MRE11: variants seen among roughly 807,000 people sequenced by gnomAD.
The protein encoded by MRE11 is double-strand break repair protein MRE11.
MRE11 carries 62 observed loss-of-function variants against 91.7 expected under a neutral mutation model. The observed-to-expected ratio is 0.68, with a 90% CI of 0.55 to 0.84. MRE11 has a LOEUF of 0.84. Ranked by LOEUF, MRE11 falls within the 40% of genes least tolerant of loss-of-function variation. The probability of loss-of-function intolerance (pLI) is 0.00; values close to 1 mark genes in which losing one functional copy is unlikely to be tolerated. For missense variants in MRE11, 796 were observed against 852.9 expected, an observed-to-expected ratio of 0.93 and a Z score of 0.83; for synonymous variants, 273 against 271.4, an observed-to-expected ratio of 1.01 and a Z score of -0.06.
chr11:94,497,622 T>C (rs1169303593), upstream of MRE11: 1 of 157,142 alleles, frequency 6.4e-6, no homozygotes, highest in Non-Finnish European at 1.4e-5. Flanking sequence ...TAGAATTCCT[T>C]ATTAATACTT....
At chr11:94,505,649 T>A in the MRE11 span, among the ~76,000 whole-genome samples, 2 of 152,120 alleles carry the variant, frequency 1.3e-5, no homozygotes, top group African/African-American at 4.8e-5. Flanking sequence ...AAGAAAAATA[T>A]GTTTGCATAA....
intron 4 of MRE11, among the ~76,000 whole-genome samples, chr11:94,482,616 TGAAA>T (rs1173516904): frequency 6.6e-6 from 1 of 152,002 alleles, no homozygotes; most frequent in African/African-American, 2.4e-5. Context: ...AAAAATAAGA[TGAAA>T]GAAAGAAAAT....
chr11:94,479,251 A>G (rs768123325), intron 5 of MRE11, among the ~76,000 whole-genome samples: 6 of 152,196 alleles, frequency 3.9e-5, no homozygotes, highest in Admixed American at 1.3e-4. Flanking sequence ...AGATAAAATG[A>G]AAAAATACTT....
At position 94,476,700 on chromosome 11, in the gene MRE11, C is replaced by A. The variant is rs118024137; in HGVS notation, c.545-297G>T. Among the ~76,000 whole-genome samples, 403 of 151,988 alleles carry A rather than the reference C, an allele frequency of 2.7e-3. 1 individual carries two copies. The highest frequency in any genetic ancestry group is 4.5e-3 in the Non-Finnish European group (308 of 67,940). On this transcript the variant is annotated intron_variant, in intron 6 of 19. Coordinates refer to ENST00000323929, the MANE Select transcript of MRE11 (RefSeq NM_005591.4). The stretch of plus-strand genomic sequence containing the variant: ...GGATTACAAGCATAAGCCACCATGC[C>A]TAGCTGTTTCAGGGTTTTTTTTCTT...
chr11:94,475,565 C>A (rs1245656066), intron 7 of MRE11: 1 of 455,316 alleles, frequency 2.2e-6, no homozygotes, highest in South Asian at 1.6e-5. Flanking sequence ...CTGCAGTGAT[C>A]AGATAATAAA....
At chr11:94,428,863 C>CA (rs1209474605) in intron 19 of MRE11, among the ~76,000 whole-genome samples, 208 of 137,232 alleles carry the variant, frequency 1.5e-3, no homozygotes, top group African/African-American at 4.6e-3. Context: ...AACTCCATGT[C>CA]AAAAAAAAAA....
At chr11:94,492,571 A>C (rs1947312154) in intron 2 of MRE11, 1 of 826,666 alleles carries the variant, frequency 1.2e-6, no homozygotes, top group African/African-American at 1.7e-5. Context: ...AATTACTGCA[A>C]GACTCCAATC....
At position 94,471,751 on chromosome 11, in the gene MRE11, T is replaced by C. The variant is rs1170382104; in HGVS notation, c.668A>G (p.His223Arg). 1 of 1,610,418 alleles carries C rather than the reference T, an allele frequency of 6.2e-7. No homozygotes were observed. The highest frequency in any genetic ancestry group is 2.2e-5 in the East Asian group (1 of 44,764). Residue 223 changes from histidine (H) to arginine (R), a missense_variant, in exon 8 of 20, where the codon CAT (histidine) becomes CGT (arginine). Physicochemically the swap from His to Arg is conservative, Grantham distance 29 (BLOSUM62 0). Coordinates refer to ENST00000323929, the MANE Select transcript of MRE11 (RefSeq NM_005591.4). ...LFVIHQNRSK[H>R]GSTNFIPEQF... ...TTCTGGAATGAAGTTAGTACTTCCA[T>C]GTTTACTCCTGTATCAAGATTTTGA...
intron 16 of MRE11, among the ~76,000 whole-genome samples, chr11:94,443,972 A>G (rs999455741): frequency 4.4e-5 from 6 of 136,458 alleles, no homozygotes; most frequent in Admixed American, 2.3e-4. Context: ...CAGTGGCATG[A>G]TCTCGGCTCA....
intron 11 of MRE11, among the ~76,000 whole-genome samples, chr11:94,462,385 A>C (rs1946443437): frequency 1.3e-5 from 2 of 152,306 alleles, no homozygotes; most frequent in South Asian, 4.1e-4. Flanking sequence ...TGCCATCCCC[A>C]TCAAGCTACC....
the MRE11 span, among the ~76,000 whole-genome samples, chr11:94,510,595 T>C: frequency 6.6e-6 from 1 of 152,216 alleles, no homozygotes; most frequent in African/African-American, 2.4e-5. Flanking sequence ...GGTAAGGATA[T>C]AGTGAATATA....
upstream of MRE11, chr11:94,494,003 G>A (rs1424427212): frequency 6.6e-6 from 1 of 152,378 alleles, no homozygotes; most frequent in African/African-American, 2.4e-5. Context: ...ACCCGGAAGT[G>A]AGATGCAAGG....
At chr11:94,496,499 A>G (rs540199), upstream of MRE11, 169,195 of 509,390 alleles carry the variant, frequency 0.33, 29,274 homozygotes, top group East Asian at 0.41. Context: ...GAGAAAAACA[A>G]GAGTTTAGAC....
At chr11:94,437,744 T>A (rs1945661288) in intron 16 of MRE11, among the ~76,000 whole-genome samples, 1 of 152,246 alleles carries the variant, frequency 6.6e-6, no homozygotes, top group Non-Finnish European at 1.5e-5. Context: ...TTCCTTTGTA[T>A]CCATACCTTT....
chr11:94,477,534 C>A (rs1463916951), intron 6 of MRE11, among the ~76,000 whole-genome samples: 5 of 152,166 alleles, frequency 3.3e-5, no homozygotes, highest in Admixed American at 2.0e-4. Flanking sequence ...AGAAGAAAAG[C>A]CAACAATGTA....
At chr11:94,498,735 A>C, upstream of MRE11, 2 of 576,864 alleles carry the variant, frequency 3.5e-6, no homozygotes, top group Non-Finnish European at 6.0e-6. Context: ...ATTTCTGTGG[A>C]GTTTGTGATT....
rs757179105 is a variant in MRE11, at chr11:94,478,715, G to A, written c.544+20C>T. 1 of 1,611,160 alleles carries A rather than the reference G, an allele frequency of 6.2e-7. No individual in the cohort carries two copies. The highest frequency in any genetic ancestry group is 8.5e-7 in the Non-Finnish European group (1 of 1,179,428). On this transcript the variant is annotated intron_variant, in intron 6 of 19. Transcript: ENST00000323929. ...AAAGAATCACACATGGACATAAACAGTAAAATAAAACTGTCTTACCTAAAC... is the reference window on the plus strand; with the variant it reads ...AAAGAATCACACATGGACATAAACAATAAAATAAAACTGTCTTACCTAAAC...
chr11:94,478,329 A>G (rs1229344811), intron 6 of MRE11, among the ~76,000 whole-genome samples: 1 of 152,166 alleles, frequency 6.6e-6, no homozygotes, highest in South Asian at 2.1e-4. Context: ...TAACATCCAG[A>G]TTTCATTTTC....
At chr11:94,474,508 T>C (rs1309350931) in intron 7 of MRE11, among the ~76,000 whole-genome samples, 1 of 151,976 alleles carries the variant, frequency 6.6e-6, no homozygotes, top group Non-Finnish European at 1.5e-5. Flanking sequence ...CATTAATAAA[T>C]ATAGAAAGAA....
Sources: allele counts gnomAD v4.1 joint callset (sites outside exome capture counted in the v4.1 genomes callset), GRCh38; gene constraint gnomAD v4.1.1; transcripts MANE v1.5; gene names NCBI Gene and HGNC (gene_info 2026-07-23, HGNC 2026-07-21).